Variants in CADM2 observed in about 807,000 individuals in gnomAD.
The protein encoded by CADM2 is immunoglobulin superfamily member 4D.
In CADM2, 12 loss-of-function variants were observed where a neutral mutation model predicts 49.8. That is an observed-to-expected ratio of 0.24 (90% CI 0.15 to 0.39). The LOEUF (loss-of-function observed/expected upper bound fraction) is 0.39. Ranked by LOEUF, CADM2 falls within the 10% of genes least tolerant of loss-of-function variation. The pLI is 1.00. For synonymous variants in CADM2, 214 were observed against 175.4 expected (o/e 1.22, Z -1.74); for missense variants, 378 against 492.3 (o/e 0.77, Z 2.20).
At chr3:85,424,302 A>T (rs930868934) in intron 1 of CADM2, among the ~76,000 whole-genome samples, 81 of 151,768 alleles carry the variant, frequency 5.3e-4, no homozygotes, top group African/African-American at 1.8e-3. Context: ...TAGTAGATTT[A>T]AAAAATTATA....
chr3:85,586,732 C>A (rs1428503238), intron 1 of CADM2, among the ~76,000 whole-genome samples: 1 of 151,982 alleles, frequency 6.6e-6, no homozygotes, highest in Non-Finnish European at 1.5e-5. Flanking sequence ...TCAATTTGAC[C>A]ACACAACTTC....
At chr3:85,073,558 G>A (rs953740444) in intron 1 of CADM2, among the ~76,000 whole-genome samples, 1 of 151,976 alleles carries the variant, frequency 6.6e-6, no homozygotes, top group African/African-American at 2.4e-5. Flanking sequence ...CAGAGAAAAA[G>A]ACAATTTTCT....
At chr3:85,626,209 C>T (rs1012859161) in intron 1 of CADM2, among the ~76,000 whole-genome samples, 5 of 151,852 alleles carry the variant, frequency 3.3e-5, no homozygotes, top group Admixed American at 6.6e-5. Context: ...ATTGAAAGGT[C>T]GTAAGAAAGG....
intron 3 of CADM2, among the ~76,000 whole-genome samples, chr3:85,846,542 A>G (rs1321835514): frequency 6.6e-6 from 1 of 152,190 alleles, no homozygotes; most frequent in Non-Finnish European, 1.5e-5. Context: ...GGGTATGCAA[A>G]TATTTGCAGT....
chr3:85,637,608 C>CAA (rs200210729), intron 1 of CADM2, among the ~76,000 whole-genome samples: 8 of 68,908 alleles, frequency 1.2e-4, no homozygotes, highest in Non-Finnish European at 1.6e-4. Context: ...GACTCCGTCT[C>CAA]AAAAAAAAAA....
intron 1 of CADM2, among the ~76,000 whole-genome samples, chr3:85,707,108 A>C (rs1264580411): frequency 6.6e-6 from 1 of 152,136 alleles, no homozygotes; most frequent in Non-Finnish European, 1.5e-5. Context: ...CTGGGACTAC[A>C]GGCATGAGCC....
intron 1 of CADM2, among the ~76,000 whole-genome samples, chr3:85,388,131 C>T (rs962774710): frequency 1.3e-5 from 2 of 152,068 alleles, no homozygotes; most frequent in African/African-American, 2.4e-5. Context: ...TGGGCTCGAG[C>T]GATACTCCCG....
At chr3:85,218,124 G>A (rs2041970753) in intron 1 of CADM2, among the ~76,000 whole-genome samples, 1 of 151,874 alleles carries the variant, frequency 6.6e-6, no homozygotes, top group Admixed American at 6.6e-5. Context: ...ATGAAATAAA[G>A]CACTAGATTG....
chr3:85,190,050 G>C (rs1226173601), intron 1 of CADM2, among the ~76,000 whole-genome samples: 1 of 150,688 alleles, frequency 6.6e-6, no homozygotes, highest in African/African-American at 2.4e-5. Context: ...CAGTGAGGGA[G>C]AGCAAGACAA....
chr3:85,517,550 T>G (rs1367085173), intron 1 of CADM2, among the ~76,000 whole-genome samples: 1 of 152,144 alleles, frequency 6.6e-6, no homozygotes, highest in Non-Finnish European at 1.5e-5. Flanking sequence ...TCATTAGAAT[T>G]ATATCGTCAT....
At chr3:85,004,436 G>C (rs2033626293) in intron 1 of CADM2, among the ~76,000 whole-genome samples, 1 of 152,008 alleles carries the variant, frequency 6.6e-6, no homozygotes, top group African/African-American at 2.4e-5. Flanking sequence ...TAAGGCCCTT[G>C]TTCTCAAGAC....
At chr3:85,759,725 C>T (rs1247139286) in intron 2 of CADM2, among the ~76,000 whole-genome samples, 1 of 152,060 alleles carries the variant, frequency 6.6e-6, no homozygotes, top group Non-Finnish European at 1.5e-5. Flanking sequence ...TGGAAGTCAC[C>T]TGCCCACATA....
At chr3:85,088,907 T>C (rs1472540254) in intron 1 of CADM2, among the ~76,000 whole-genome samples, 2 of 152,098 alleles carry the variant, frequency 1.3e-5, no homozygotes, top group Non-Finnish European at 2.9e-5. Flanking sequence ...TGTGCTTTCA[T>C]AGCATTTTAA....
intron 8 of CADM2, among the ~76,000 whole-genome samples, chr3:85,988,335 A>G (rs1299404339): frequency 2.0e-5 from 3 of 152,218 alleles, no homozygotes; most frequent in Non-Finnish European, 4.4e-5. Context: ...TACTTGATGG[A>G]AAGTGTGTAT....
chr3:85,995,886 A>G (rs559810530), intron 8 of CADM2, among the ~76,000 whole-genome samples: 9 of 151,962 alleles, frequency 5.9e-5, no homozygotes, highest in Non-Finnish European at 8.8e-5. Flanking sequence ...TCAGGAGATC[A>G]AGACCGTCCT....
intron 1 of CADM2, among the ~76,000 whole-genome samples, chr3:85,424,935 A>C (rs2036332907): frequency 2.0e-5 from 3 of 152,166 alleles, no homozygotes; most frequent in Non-Finnish European, 4.4e-5. Flanking sequence ...GACATAATTT[A>C]ATAATATATT....
intron 1 of CADM2, among the ~76,000 whole-genome samples, chr3:85,262,488 T>C (rs183137270): frequency 4.6e-5 from 7 of 152,222 alleles, no homozygotes; most frequent in Admixed American, 3.3e-4. Flanking sequence ...TGATTATATC[T>C]TCTTGAAAAA....
chr3:85,825,751 C>A (rs976659187), intron 3 of CADM2, among the ~76,000 whole-genome samples: 2 of 151,878 alleles, frequency 1.3e-5, no homozygotes, highest in African/African-American at 4.8e-5. Context: ...GTTATGACAG[C>A]CACTTTTTAA....
chr3:85,385,722 C>CT (rs1448191929), intron 1 of CADM2: 1 of 148,352 alleles, frequency 6.7e-6, no homozygotes, highest in Non-Finnish European at 1.5e-5. Flanking sequence ...AACACTTTGC[C>CT]TTTTTACAGG....
Sources: gnomAD v4.1 joint callset for allele counts (sites outside exome capture counted in the v4.1 genomes callset) on GRCh38, gnomAD v4.1.1 for gene constraint, MANE v1.5 for transcripts, NCBI Gene and HGNC (gene_info 2026-07-23, HGNC 2026-07-21) for gene names.